The following RFC3 variants were observed in gnomAD, a reference collection of about 807,000 sequenced individuals.
RFC3 encodes replication factor C subunit 3.
In RFC3, 41 loss-of-function variants were observed where a neutral mutation model predicts 45.1. That is an observed-to-expected ratio of 0.91 (90% CI 0.71 to 1.18). RFC3 has a LOEUF of 1.18. Ranked by LOEUF, RFC3 falls within the 50% of genes most tolerant of loss-of-function variation. RFC3 has a pLI of 0.00. For synonymous variants in RFC3, 149 were observed against 144.0 expected (o/e 1.03, Z -0.25); for missense variants, 423 against 428.1 (o/e 0.99, Z 0.10).
At chr13:33,974,169 G>T in the RFC3 span, among the ~76,000 whole-genome samples, 3 of 152,144 alleles carry the variant, frequency 2.0e-5, no homozygotes, top group Non-Finnish European at 4.4e-5. Flanking sequence ...TCATCCTGGC[G>T]CAAAACAAGC....
intron 8 of RFC3, among the ~76,000 whole-genome samples, chr13:33,885,546 C>T (rs1286527158): frequency 2.0e-5 from 3 of 152,140 alleles, no homozygotes; most frequent in Non-Finnish European, 2.9e-5. Flanking sequence ...TGTTGCTTAA[C>T]TTTAACTCCT....
chr13:33,876,894 T>C (rs1465571738), intron 8 of RFC3, among the ~76,000 whole-genome samples: 1 of 152,244 alleles, frequency 6.6e-6, no homozygotes, highest in South Asian at 2.1e-4. Context: ...GCTCTCTTTC[T>C]GTTCAGATGA....
In RFC3 at chr13:33,855,039, C is replaced by T. The variant is rs76568539; in HGVS notation, c.879+19822C>T. Among the ~76,000 whole-genome samples, 1,371 of 152,124 alleles carry T rather than the reference C, an allele frequency of 9.0e-3. 14 individuals carry two copies. Among genetic ancestry groups the T allele is most frequent in the African/African-American group, 0.032 (1,320 of 41,496 alleles). Reference sequence around the variant, plus strand: ...AGTTGAAATCAAAACAATCGACTAGCGACAAATGAGCTTAAACAACTCTAC... The same window carrying T: ...AGTTGAAATCAAAACAATCGACTAGTGACAAATGAGCTTAAACAACTCTAC... On this transcript the variant is annotated intron_variant, in intron 8 of 8. Coordinates refer to the RFC3 transcript ENST00000434425.
chr13:33,840,087 G>T (rs574862327), downstream of RFC3, among the ~76,000 whole-genome samples: 3 of 152,072 alleles, frequency 2.0e-5, no homozygotes, highest in African/African-American at 7.2e-5. Context: ...GTCTTGGTGC[G>T]ATTTGTGTGT....
rs1055890517 is a variant in RFC3 at position 33,837,494 on chromosome 13, A to T, written c.*1199A>T. 2 of 152,164 alleles carry T rather than the reference A, an allele frequency of 1.3e-5. No individual in the cohort carries two copies. Among genetic ancestry groups the T allele is most frequent in the African/African-American group, 4.8e-5 (2 of 41,456 alleles). The allele number at this position is 152,164 out of a possible 1,614,324, so 9.4% of individuals were successfully genotyped here. A position where few individuals can be genotyped will look rare whatever the true frequency, so the allele number is the denominator to read the frequency against. Reference sequence around the variant, plus strand: ...GTTATTATGAATAAAGTTGCTGTGAATACTTACGTGTAAGTCTTTTTGTGG... The same window carrying T: ...GTTATTATGAATAAAGTTGCTGTGATTACTTACGTGTAAGTCTTTTTGTGG... On this transcript the variant is annotated 3_prime_UTR_variant, in exon 9 of 9. Transcript: ENST00000380071.
At chr13:33,874,613 C>T (rs2082433956) in intron 8 of RFC3, among the ~76,000 whole-genome samples, 2 of 152,232 alleles carry the variant, frequency 1.3e-5, no homozygotes, top group African/African-American at 4.8e-5. Flanking sequence ...GCCACCATGC[C>T]CGGCCACTAG....
At chr13:33,834,329 T>TATATATATATATATATATACACATAA in intron 7 of RFC3, among the ~76,000 whole-genome samples, 1 of 125,088 alleles carries the variant, frequency 8.0e-6, no homozygotes, top group African/African-American at 3.4e-5. Flanking sequence ...TATATATATA[T>TATATATATATATATATATACACATAA]ATCTGTACTG....
At chr13:33,972,566 G>T in the RFC3 span, among the ~76,000 whole-genome samples, 1 of 152,048 alleles carries the variant, frequency 6.6e-6, no homozygotes, top group Non-Finnish European at 1.5e-5. Context: ...TTCTACTTGG[G>T]TCTACCAGAT....
Position 33,898,794 on chromosome 13 carries a change from T to C in RFC3, c.879+63577T>C, listed in dbSNP as rs192556359. ...AGAGAGAAAATCCAGGTAAATAAAA[T>C]CAGAAATGAAAAAGGAGTCATAAAA... On this transcript the variant is annotated intron_variant, in intron 8 of 8. Transcript: ENST00000434425. 4.1e-3 allele frequency among the ~76,000 whole-genome samples: 627 copies of C among 151,346 alleles called. 4 individuals are homozygous for C. Among genetic ancestry groups the C allele is most frequent in the Non-Finnish European group, 7.6e-3 (511 of 67,620 alleles).
At chr13:33,860,915 A>AT (rs34102628) in intron 8 of RFC3, among the ~76,000 whole-genome samples, 114,495 of 150,326 alleles carry the variant, frequency 0.76, 46,171 homozygotes, top group Non-Finnish European at 0.91. Context: ...ATATATATAT[A>AT]TTTTTTTACC....
chr13:33,880,703 C>T (rs989202920), intron 8 of RFC3, among the ~76,000 whole-genome samples: 2 of 152,096 alleles, frequency 1.3e-5, no homozygotes, highest in Admixed American at 6.5e-5. Context: ...CTCTGAATAC[C>T]ACCTTACATT....
downstream of RFC3, among the ~76,000 whole-genome samples, chr13:33,838,236 A>G (rs1169218673): frequency 6.6e-6 from 1 of 152,218 alleles, no homozygotes; most frequent in South Asian, 2.1e-4. Context: ...ATGTGTATGA[A>G]ATGCCCTTTT....
intron 8 of RFC3, among the ~76,000 whole-genome samples, chr13:33,915,445 T>C (rs1406475476): frequency 6.6e-6 from 1 of 152,194 alleles, no homozygotes; most frequent in African/African-American, 2.4e-5. Flanking sequence ...AAAACATGCT[T>C]TGCATGCTAT....
rs34685731 is a variant in RFC3 at position 33,938,184 on chromosome 13, C to CAAAAA, written c.880-27883_880-27879dup. Among the ~76,000 whole-genome samples the CAAAAA allele has an allele frequency of 1.2e-3, 85 of 70,742 alleles. 1 individual carries two copies. The highest frequency in any genetic ancestry group is 2.5e-3 in the East Asian group (4 of 1,578). The allele number at this position is 70,742 out of a possible 152,430, so 46.4% of individuals were successfully genotyped here. On this transcript the variant is annotated intron_variant, in intron 8 of 8. Coordinates refer to the RFC3 transcript ENST00000434425. ...CACAGCTCAAGATAAAGTCCAACTG[C>CAAAAA]AAAAAAAAAAAAAAAAAAAAAAAAG... is the stretch of plus-strand genomic sequence containing the variant.
At chr13:33,932,960 A>C (rs2082861901) in intron 8 of RFC3, among the ~76,000 whole-genome samples, 1 of 152,148 alleles carries the variant, frequency 6.6e-6, no homozygotes, top group African/African-American at 2.4e-5. Context: ...GCCAACTGGC[A>C]CATGCTGATA....
chr13:33,936,655 A>G (rs1173867400), intron 8 of RFC3, among the ~76,000 whole-genome samples: 1 of 152,134 alleles, frequency 6.6e-6, no homozygotes, highest in Non-Finnish European at 1.5e-5. Context: ...ATTGCTAGCA[A>G]ATTACCAGAA....
At chr13:33,819,790 T>C (rs1009567107) in intron 1 of RFC3, among the ~76,000 whole-genome samples, 1 of 152,370 alleles carries the variant, frequency 6.6e-6, no homozygotes, top group Non-Finnish European at 1.5e-5. Flanking sequence ...GTGTTAAATT[T>C]GCTTTTAAGA....
At chr13:33,901,091 T>A (rs1046803805) in intron 8 of RFC3, among the ~76,000 whole-genome samples, 1 of 151,920 alleles carries the variant, frequency 6.6e-6, no homozygotes, top group African/African-American at 2.4e-5. Context: ...ACGCTGCCGG[T>A]GGAAATGTAA....
intron 8 of RFC3, among the ~76,000 whole-genome samples, chr13:33,957,167 T>C (rs1432141613): frequency 6.6e-6 from 1 of 152,220 alleles, no homozygotes; most frequent in Non-Finnish European, 1.5e-5. Context: ...GTGTAGGTTA[T>C]TTATTTCTTT....
Sources: allele counts gnomAD v4.1 joint callset (sites outside exome capture counted in the v4.1 genomes callset), GRCh38; gene constraint gnomAD v4.1.1; transcripts MANE v1.5; gene names NCBI Gene and HGNC (gene_info 2026-07-23, HGNC 2026-07-21).